Variants in SHROOM3 observed in about 807,000 individuals in gnomAD.
The protein encoded by SHROOM3 is shroom family member 3.
Under a neutral mutation model 138.6 loss-of-function variants are expected in SHROOM3, and 47 were observed. The ratio of observed to expected loss-of-function variants is 0.34; its 90% confidence interval spans 0.27 to 0.43. The LOEUF (loss-of-function observed/expected upper bound fraction) is 0.43. Among genes scored for constraint, SHROOM3 ranks in the 20% least tolerant of loss-of-function variants. The pLI, the probability that SHROOM3 is intolerant of heterozygous loss-of-function variation, is 1.00. For missense variants in SHROOM3, 2,491 were observed against 2,596.5 expected, an observed-to-expected ratio of 0.96 and a Z score of 0.88; for synonymous variants, 1,062 against 1,063.3, an observed-to-expected ratio of 1.00 and a Z score of 0.02.
At chr4:76,652,889 T>G (rs1735990346) in intron 2 of SHROOM3, among the ~76,000 whole-genome samples, 1 of 152,056 alleles carries the variant, frequency 6.6e-6, no homozygotes, top group Non-Finnish European at 1.5e-5. Context: ...TAATATATGT[T>G]TACCCTCACG....
chr4:76,656,557 G>T (rs1234319425), intron 2 of SHROOM3, among the ~76,000 whole-genome samples: 1 of 152,162 alleles, frequency 6.6e-6, no homozygotes, highest in East Asian at 1.9e-4. Context: ...CCTGGAAAAA[G>T]CCCTTCTTAC....
At chr4:76,775,561 A>G (rs1370919207) in intron 10 of SHROOM3, among the ~76,000 whole-genome samples, 1 of 152,024 alleles carries the variant, frequency 6.6e-6, no homozygotes, top group East Asian at 1.9e-4. Context: ...ATCCAGAGGA[A>G]AGAAGTAATT....
chr4:76,451,320 C>T (rs974627715), intron 1 of SHROOM3, among the ~76,000 whole-genome samples: 4 of 152,144 alleles, frequency 2.6e-5, no homozygotes, highest in African/African-American at 9.7e-5. Flanking sequence ...TAAAGCATGT[C>T]ACAGAGTCCT....
intron 1 of SHROOM3, among the ~76,000 whole-genome samples, chr4:76,443,318 A>G (rs1459864065): frequency 1.3e-5 from 2 of 152,252 alleles, no homozygotes; most frequent in Admixed American, 6.5e-5. Context: ...ATAGATTCCC[A>G]AGGCTTTGCC....
chr4:76,501,881 T>A (rs1312153409), intron 1 of SHROOM3, among the ~76,000 whole-genome samples: 1 of 152,216 alleles, frequency 6.6e-6, no homozygotes, highest in Non-Finnish European at 1.5e-5. Flanking sequence ...CAGTCATCTG[T>A]ATCCTTTATT....
intron 1 of SHROOM3, among the ~76,000 whole-genome samples, chr4:76,439,526 C>T (rs1257685543): frequency 1.3e-5 from 2 of 152,040 alleles, no homozygotes; most frequent in Non-Finnish European, 2.9e-5. Flanking sequence ...AGGGATGAGA[C>T]TAAAGTGAAA....
intron 2 of SHROOM3, among the ~76,000 whole-genome samples, chr4:76,681,349 A>G (rs181385265): frequency 8.6e-4 from 130 of 151,982 alleles, no homozygotes; most frequent in Admixed American, 1.3e-3. Context: ...CATAGCCACT[A>G]TTTTCAGCTC....
At chr4:76,652,603 C>T (rs376599628) in intron 2 of SHROOM3, among the ~76,000 whole-genome samples, 11 of 152,212 alleles carry the variant, frequency 7.2e-5, no homozygotes, top group Middle Eastern at 3.4e-3. Context: ...TGTGCTATGT[C>T]GAATGGCCAA....
chr4:76,741,017 G>A lies in SHROOM3; in HGVS notation c.2844G>A (p.Leu948=), dbSNP rs1389842482. The change falls in exon 5 of 11, where the codon CTG becomes CTA. Residue 948 remains leucine, a synonymous_variant. Coordinates refer to ENST00000296043, the MANE Select transcript of SHROOM3 (RefSeq NM_020859.4). This position sits in a 1 kb window ranked among gnomAD's most constrained non-coding sequence, Gnocchi z 6.2. The part of the protein sequence containing the change: ...ATSFRRRDLE[L]GAPVASRSWR... ...CCTTTCGACGTCGAGACCTGGAGCT[G>A]GGGGCGCCCGTGGCGTCGAGGTCCT... The A allele has an allele frequency of 6.7e-7, 1 of 1,485,798 alleles. No individual in the cohort carries two copies. The highest frequency in any genetic ancestry group is 1.4e-5 in the South Asian group (1 of 70,926). The allele number at this position is 1,485,798 out of a possible 1,614,324, so 92.0% of individuals were successfully genotyped here.
intron 2 of SHROOM3, among the ~76,000 whole-genome samples, chr4:76,625,726 T>C (rs1314597479): frequency 3.9e-5 from 6 of 152,210 alleles, no homozygotes; most frequent in African/African-American, 1.4e-4. Context: ...CTTCTCTAAC[T>C]AGAAGGCTTA....
At chr4:76,472,985 G>A (rs894341237) in intron 1 of SHROOM3, among the ~76,000 whole-genome samples, 2 of 152,136 alleles carry the variant, frequency 1.3e-5, no homozygotes, top group South Asian at 2.1e-4. Flanking sequence ...GAGCCACCAC[G>A]GCCGGCCAGG....
At chr4:76,507,539 CTT>C (rs5859518) in intron 1 of SHROOM3, among the ~76,000 whole-genome samples, 9 of 139,114 alleles carry the variant, frequency 6.5e-5, no homozygotes, top group Non-Finnish European at 9.3e-5. Flanking sequence ...TTGTATCTCT[CTT>C]TTTTTTTTTT....
chr4:76,668,178 G>A (rs1218948378), intron 2 of SHROOM3, among the ~76,000 whole-genome samples: 3 of 151,920 alleles, frequency 2.0e-5, no homozygotes, highest in Non-Finnish European at 2.9e-5. Flanking sequence ...CATGGCCGGC[G>A]AAAAGCCCAA....
chr4:76,550,404 GCTTGT>G, intron 1 of SHROOM3, among the ~76,000 whole-genome samples: 1 of 152,254 alleles, frequency 6.6e-6, no homozygotes, highest in South Asian at 2.1e-4. Context: ...AGTGACTGAG[GCTTGT>G]CTTAAGACAG....
Position 76,778,931 on chromosome 4 carries a change from G to A in SHROOM3, c.5745G>A (p.Glu1915=), listed in dbSNP as rs1317360105. Residue 1915 remains glutamate, a synonymous_variant, in exon 11 of 11, where the codon GAG becomes GAA. Transcript: ENST00000296043. ...GCATCTTGGCCAATTACCTTTCAGA[G>A]GAGCAGCTCCAGGACTACCAGCACT... ...VLGILANYLS[E]EQLQDYQHFV... 8 of 1,613,936 alleles carry A rather than the reference G, an allele frequency of 5.0e-6. No individual in the cohort carries two copies. The highest frequency in any genetic ancestry group is 6.8e-6 in the Non-Finnish European group (8 of 1,180,048).
intron 2 of SHROOM3, among the ~76,000 whole-genome samples, chr4:76,696,567 C>T (rs1439046367): frequency 6.6e-6 from 1 of 152,196 alleles, no homozygotes; most frequent in Non-Finnish European, 1.5e-5. Flanking sequence ...GGACTGCTCA[C>T]AGGACATGTC....
intron 2 of SHROOM3, among the ~76,000 whole-genome samples, chr4:76,656,262 T>A (rs1736064125): frequency 6.6e-6 from 1 of 152,114 alleles, no homozygotes; most frequent in African/African-American, 2.4e-5. Flanking sequence ...ATAAGCAGAG[T>A]CTTGTACTAC....
intron 2 of SHROOM3, among the ~76,000 whole-genome samples, chr4:76,567,936 C>T (rs994021076): frequency 1.3e-5 from 2 of 152,028 alleles, no homozygotes; most frequent in South Asian, 4.2e-4. Flanking sequence ...TCAATTATCC[C>T]CTCTGACTTG....
intron 1 of SHROOM3, among the ~76,000 whole-genome samples, chr4:76,458,851 A>G (rs533884711): frequency 1.3e-5 from 2 of 152,302 alleles, no homozygotes; most frequent in Non-Finnish European, 2.9e-5. Context: ...AGGAATAATG[A>G]TATGTGAATT....
Sources: gnomAD v4.1 joint callset for allele counts (sites outside exome capture counted in the v4.1 genomes callset) on GRCh38, gnomAD v4.1.1 for gene constraint, Gnocchi (gnomAD v3.1) non-coding constraint, MANE v1.5 for transcripts, NCBI Gene and HGNC (gene_info 2026-07-23, HGNC 2026-07-21) for gene names.